Variants in TMEM163 observed in about 807,000 individuals in gnomAD.
TMEM163 encodes the protein transmembrane protein 163.
TMEM163 carries 17 observed loss-of-function variants against 29.3 expected under a neutral mutation model. That is an observed-to-expected ratio of 0.58 (90% CI 0.40 to 0.87). TMEM163 has a LOEUF of 0.87. Ranked by LOEUF, TMEM163 falls within the 40% of genes least tolerant of loss-of-function variation. The pLI is 0.00. For synonymous variants in TMEM163, 157 were observed against 160.6 expected (o/e 0.98, Z 0.17); for missense variants, 303 against 381.5 (o/e 0.79, Z 1.71).
At chr2:134,692,481 A>G (rs557193520) in intron 2 of TMEM163, among the ~76,000 whole-genome samples, 14 of 152,088 alleles carry the variant, frequency 9.2e-5, no homozygotes, top group Non-Finnish European at 1.9e-4. Context: ...GGCTGCCATA[A>G]CAAAATACCA....
intron 2 of TMEM163, among the ~76,000 whole-genome samples, chr2:134,595,676 T>G (rs192144879): frequency 6.6e-6 from 1 of 152,232 alleles, no homozygotes; most frequent in Non-Finnish European, 1.5e-5. Context: ...TTCTAGATCC[T>G]TGAGGAATCG....
intron 2 of TMEM163, among the ~76,000 whole-genome samples, chr2:134,681,481 C>T (rs1024535988): frequency 6.6e-6 from 1 of 152,128 alleles, no homozygotes; most frequent in Non-Finnish European, 1.5e-5. Context: ...TGCCCCACAG[C>T]GTACACACAC....
At chr2:134,492,387 T>C (rs1010635394) in intron 5 of TMEM163, among the ~76,000 whole-genome samples, 1 of 152,344 alleles carries the variant, frequency 6.6e-6, no homozygotes, top group Middle Eastern at 3.4e-3. Flanking sequence ...TTGATCAGCA[T>C]TAACATATCT....
rs1452294862 is a variant in TMEM163 at position 134,512,999 on chromosome 2, A to T, written c.459-10002T>A. Among the ~76,000 whole-genome samples the T allele has an allele frequency of 6.6e-5, 10 of 152,290 alleles. No individual in the cohort carries two copies. In the South Asian group the frequency reaches 2.1e-3, roughly 32 times the overall value. Reference sequence around the variant, plus strand: ...GTCATGGATATCCAGGCAGGTAAGGATGTGGCAAATGATGATATGGATCAG... The same window carrying T: ...GTCATGGATATCCAGGCAGGTAAGGTTGTGGCAAATGATGATATGGATCAG... On this transcript the variant is annotated intron_variant, in intron 4 of 7. Transcript: ENST00000281924.
intron 2 of TMEM163, among the ~76,000 whole-genome samples, chr2:134,577,179 T>C (rs1378196132): frequency 6.6e-6 from 1 of 152,208 alleles, no homozygotes; most frequent in African/African-American, 2.4e-5. Context: ...TTTAATGTCA[T>C]ATACACACAC....
At position 134,477,294 on chromosome 2, in the gene TMEM163, G is replaced by C. The variant is rs116644598; in HGVS notation, c.556-11069C>G. Among the ~76,000 whole-genome samples, 337 of 152,308 alleles carry C rather than the reference G, an allele frequency of 2.2e-3. 2 individuals carry two copies. Among genetic ancestry groups the C allele is most frequent in the African/African-American group, 7.5e-3 (313 of 41,570 alleles). ...TTACTCTCAAGGAACTTACAACCTA[G>C]TTAGAGAGATAGACACATAAGCCAC... On this transcript the variant is annotated intron_variant, in intron 5 of 7. Coordinates refer to ENST00000281924, the MANE Select transcript of TMEM163 (RefSeq NM_030923.5).
At chr2:134,509,209 G>A (rs189290169) in intron 4 of TMEM163, among the ~76,000 whole-genome samples, 23 of 152,286 alleles carry the variant, frequency 1.5e-4, no homozygotes, top group African/African-American at 4.8e-4. Context: ...TTGCAAATGT[G>A]GTTACTGCAA....
intron 2 of TMEM163, among the ~76,000 whole-genome samples, chr2:134,650,337 A>C (rs1048816397): frequency 1.3e-5 from 2 of 152,100 alleles, no homozygotes; most frequent in African/African-American, 2.4e-5. Context: ...TCTTCAATTA[A>C]ATAAGCAAAA....
chr2:134,637,132 C>T (rs975800059), intron 2 of TMEM163, among the ~76,000 whole-genome samples: 5 of 152,244 alleles, frequency 3.3e-5, no homozygotes, highest in African/African-American at 7.2e-5. Context: ...GTCTAGGCAG[C>T]AGGCAAGGTG....
At chr2:134,544,139 G>GA (rs1680732031) in intron 4 of TMEM163, among the ~76,000 whole-genome samples, 1 of 152,142 alleles carries the variant, frequency 6.6e-6, no homozygotes, top group Non-Finnish European at 1.5e-5. Flanking sequence ...TGTCAAGCTG[G>GA]ACCTTCTGTG....
chr2:134,585,663 A>G (rs986577481), intron 2 of TMEM163, among the ~76,000 whole-genome samples: 3 of 150,810 alleles, frequency 2.0e-5, no homozygotes, highest in African/African-American at 7.3e-5. Context: ...GATGGCGTGA[A>G]CCCGGGAGGC....
At chr2:134,660,062 TG>T (rs1459667990) in intron 2 of TMEM163, among the ~76,000 whole-genome samples, 1 of 152,130 alleles carries the variant, frequency 6.6e-6, no homozygotes, top group African/African-American at 2.4e-5. Flanking sequence ...TGCCCAGATC[TG>T]GACATGAGCG....
chr2:134,562,605 A>G (rs574085373), intron 2 of TMEM163, among the ~76,000 whole-genome samples: 1 of 152,372 alleles, frequency 6.6e-6, no homozygotes, highest in East Asian at 1.9e-4. Flanking sequence ...AGAACATACT[A>G]TGAAGAAGAA....
chr2:134,694,459 T>C (rs774386041), intron 2 of TMEM163, among the ~76,000 whole-genome samples: 78 of 152,334 alleles, frequency 5.1e-4, no homozygotes, highest in Admixed American at 8.5e-4. Flanking sequence ...ACTTTATCAC[T>C]TAAAGGTACT....
At chr2:134,598,133 A>C (rs1003979431) in intron 2 of TMEM163, among the ~76,000 whole-genome samples, 2 of 152,024 alleles carry the variant, frequency 1.3e-5, no homozygotes, top group African/African-American at 4.8e-5. Context: ...ACAAAGCATA[A>C]ATTTTTAAAC....
intron 2 of TMEM163, among the ~76,000 whole-genome samples, chr2:134,608,888 A>G (rs1352213795): frequency 1.8e-5 from 1 of 56,796 alleles, no homozygotes; most frequent in East Asian, 6.8e-4. Context: ...TGAGAACTGT[A>G]CTGGTGAAAA....
chr2:134,515,143 G>A (rs1430740978), intron 4 of TMEM163, among the ~76,000 whole-genome samples: 3 of 152,210 alleles, frequency 2.0e-5, no homozygotes, highest in Non-Finnish European at 4.4e-5. Context: ...CTGTCCGAAT[G>A]ATAACAGATG....
intron 4 of TMEM163, among the ~76,000 whole-genome samples, chr2:134,526,263 C>T (rs1680298479): frequency 6.6e-6 from 1 of 152,208 alleles, no homozygotes; most frequent in African/African-American, 2.4e-5. Context: ...GGAGCGTACA[C>T]TTCAGGACAC....
chr2:134,710,474 G>T (rs139801745), intron 2 of TMEM163, among the ~76,000 whole-genome samples: 6 of 152,168 alleles, frequency 3.9e-5, no homozygotes, highest in African/African-American at 1.4e-4. Flanking sequence ...CTGACCCCAG[G>T]AGATGCAACT....
Sources: gnomAD v4.1 joint callset for allele counts (sites outside exome capture counted in the v4.1 genomes callset) on GRCh38, gnomAD v4.1.1 for gene constraint, MANE v1.5 for transcripts, NCBI Gene and HGNC (gene_info 2026-07-23, HGNC 2026-07-21) for gene names.